ERFL: variants seen among roughly 807,000 people sequenced by gnomAD.
The protein encoded by ERFL is ETS repressor factor like.
Under a neutral mutation model 27.9 loss-of-function variants are expected in ERFL, and 8 were observed. The ratio of observed to expected loss-of-function variants is 0.29; its 90% CI spans 0.17 to 0.52. The LOEUF (loss-of-function observed/expected upper bound fraction) is 0.52, where lower values mean the gene tolerates loss of function less well. Among genes scored for constraint, ERFL ranks in the 20% least tolerant of loss-of-function variants. ERFL has a pLI of 0.97. For synonymous variants in ERFL, 174 were observed against 202.8 expected, an observed-to-expected ratio of 0.86 and a Z score of 1.21; for missense variants, 294 against 444.4, an observed-to-expected ratio of 0.66 and a Z score of 3.04.
In ERFL at chr19:41,916,997, T is replaced by C. The variant is rs1291886075; in HGVS notation, c.-13-4065A>G. ...CCTCCATCTGTGAACTTCCCAAGCA[T>C]GTCTCTGCATGGGTGTGTGTGTGTG... On this transcript the variant is annotated intron_variant, in intron 1 of 5. Coordinates refer to ENST00000597630, the MANE Select transcript of ERFL (RefSeq NM_001365103.2). This position sits in a 1 kb window ranked among gnomAD's most constrained non-coding sequence, Gnocchi z 5.4. Among the ~76,000 whole-genome samples, 2 of 144,816 alleles carry C rather than the reference T, an allele frequency of 1.4e-5. No homozygotes were observed. Among genetic ancestry groups the C allele is most frequent in the Non-Finnish European group, 2.9e-5 (2 of 67,930 alleles).
intron 1 of ERFL, among the ~76,000 whole-genome samples, chr19:41,926,704 G>T (rs1249228716): frequency 1.3e-5 from 2 of 150,672 alleles, no homozygotes; most frequent in African/African-American, 4.8e-5. Flanking sequence ...GGGCCGCGGC[G>T]GCCGGCCGGG....
Position 41,908,295 on chromosome 19 carries a change from C to T in ERFL, c.998G>A (p.Ser333Asn). 8.1e-7 allele frequency: 1 copy of T among 1,231,572 alleles called. No homozygotes were observed. Among genetic ancestry groups the T allele is most frequent in the South Asian group, 4.1e-5 (1 of 24,320 alleles). The allele number at this position is 1,231,572 out of a possible 1,614,324, so 76.3% of individuals were successfully genotyped here. A position where few individuals can be genotyped will look rare whatever the true frequency, so the allele number is the denominator to read the frequency against. ...TGCCGGGAGACCCTCATCGCCCTCG[C>T]TGTCAGAGCTGCAGCCGCTGACGTC... ...ITDVSGCSSDSEGDEGLPAPP... is the reference protein window; with the variant it reads ...ITDVSGCSSDNEGDEGLPAPP... Residue 333 changes from serine (S) to asparagine (N), a missense_variant, in exon 6 of 6, where the codon AGC becomes AAC. Ser to Asn is a conservative substitution (Grantham distance 46). Coordinates refer to ENST00000597630, the MANE Select transcript of ERFL (RefSeq NM_001365103.2). This position sits in a 1 kb window ranked among gnomAD's most constrained non-coding sequence, Gnocchi z 6.7.
At chr19:41,920,374 G>A (rs1047495613) in intron 1 of ERFL, among the ~76,000 whole-genome samples, 7 of 130,860 alleles carry the variant, frequency 5.3e-5, no homozygotes, top group Admixed American at 5.0e-4. Context: ...GACATGACAT[G>A]TTCACAGACA....
intron 1 of ERFL, among the ~76,000 whole-genome samples, chr19:41,913,447 C>T (rs908921598): frequency 1.2e-4 from 18 of 151,726 alleles, no homozygotes; most frequent in East Asian, 3.9e-4. Flanking sequence ...CCCACCCGGA[C>T]GACCCCCAGG....
chr19:41,910,932 A>C lies in ERFL; in HGVS notation c.68-835T>G, dbSNP rs1466461599. ...CCCCACAGTGCACACCCATCACAAC[A>C]CAGAATTACACATCTCAAGACTGGG... On this transcript the variant is annotated intron_variant, in intron 2 of 5. Coordinates refer to ENST00000597630, the MANE Select transcript of ERFL (RefSeq NM_001365103.2). The surrounding 1 kb of genome is among the most constrained non-coding windows in gnomAD (Gnocchi z 4.4). Among the ~76,000 whole-genome samples, 1 of 152,092 alleles carries C rather than the reference A, an allele frequency of 6.6e-6. No individual in the cohort carries two copies. The highest frequency in any genetic ancestry group is 1.5e-5 in the Non-Finnish European group (1 of 68,024).
rs1265757382 is a variant in ERFL at position 41,916,987 on chromosome 19, T to C, written c.-13-4055A>G. On this transcript the variant is annotated intron_variant, in intron 1 of 5. Transcript: ENST00000597630. This position sits in a 1 kb window ranked among gnomAD's most constrained non-coding sequence, Gnocchi z 5.4. ...TCTGCCTGTCCCTCCATCTGTGAAC[T>C]TCCCAAGCATGTCTCTGCATGGGTG... Among the ~76,000 whole-genome samples the C allele has an allele frequency of 1.3e-5, 2 of 150,884 alleles. No homozygotes were observed. The highest frequency in any genetic ancestry group is 2.9e-5 in the Non-Finnish European group (2 of 68,000).
At chr19:41,924,188 A>T (rs2074858750) in intron 1 of ERFL, among the ~76,000 whole-genome samples, 1 of 151,770 alleles carries the variant, frequency 6.6e-6, no homozygotes, top group Non-Finnish European at 1.5e-5. Context: ...GTGTCACCAA[A>T]GTCCCTAGGT....
rs1039777525 is a variant in ERFL at position 41,921,027 on chromosome 19, C to T, written c.-14+7013G>A. ...ATGTCCCTGGGGCTGCGGACAGCAGCGCTCCGAATGGTGTCAGTTGAGGGG... is the reference window on the plus strand; with the variant it reads ...ATGTCCCTGGGGCTGCGGACAGCAGTGCTCCGAATGGTGTCAGTTGAGGGG... On this transcript the variant is annotated intron_variant, in intron 1 of 5. Coordinates refer to ENST00000597630, the MANE Select transcript of ERFL (RefSeq NM_001365103.2). This position sits in a 1 kb window ranked among gnomAD's most constrained non-coding sequence, Gnocchi z 4.4. 4.6e-5 allele frequency among the ~76,000 whole-genome samples: 7 copies of T among 152,220 alleles called. No individual in the cohort carries two copies. Among genetic ancestry groups the T allele is most frequent in the Non-Finnish European group, 7.3e-5 (5 of 68,038 alleles).
At chr19:41,920,476 A>C (rs1555852371) in intron 1 of ERFL, among the ~76,000 whole-genome samples, 3 of 149,032 alleles carry the variant, frequency 2.0e-5, no homozygotes, top group Non-Finnish European at 4.5e-5. Flanking sequence ...TGATGAACTC[A>C]CAGACGTGAC....
chr19:41,919,926 G>A (rs1210443363), intron 1 of ERFL, among the ~76,000 whole-genome samples: 2 of 151,658 alleles, frequency 1.3e-5, no homozygotes, highest in East Asian at 1.9e-4. Flanking sequence ...GACATGACAC[G>A]CTCACAGACA....
chr19:41,909,247 G>A lies in ERFL; in HGVS notation c.498+29C>T, dbSNP rs112688597. The A allele has an allele frequency of 2.5e-4, 307 of 1,231,704 alleles. No individual in the cohort carries two copies. Among genetic ancestry groups the A allele is most frequent in the Admixed American group, 1.7e-4 (4 of 23,694 alleles). 76.3% of individuals were successfully genotyped at this position (1,231,704 alleles called of 1,614,324 possible). A position where few individuals can be genotyped will look rare whatever the true frequency, so the allele number is the denominator to read the frequency against. On this transcript the variant is annotated intron_variant, in intron 4 of 5. Transcript: ENST00000597630. This position sits in a 1 kb window ranked among gnomAD's most constrained non-coding sequence, Gnocchi z 5.2. ...CCCCAGAGTGGGCACCAAGTGCCTC[G>A]GTTCCAGGACCCCAGTACCCAGACT...
rs528952380 is a variant in ERFL at position 41,920,299 on chromosome 19, G to A, written c.-13-7367C>T. On this transcript the variant is annotated intron_variant, in intron 1 of 5. Transcript: ENST00000597630. ...GACATGATAACGCTCACAGACATGC[G>A]CTCACAGACATGACATGCCCAGACG... Among the ~76,000 whole-genome samples, 16 of 130,536 alleles carry A rather than the reference G, an allele frequency of 1.2e-4. No homozygotes were observed. The South Asian group carries it at 2.9e-3, about 23-fold the overall frequency. 85.6% of individuals were successfully genotyped at this position (130,536 alleles called of 152,430 possible). A position where few individuals can be genotyped will look rare whatever the true frequency, so the allele number is the denominator to read the frequency against.
rs543334666 is a variant in ERFL at position 41,917,415 on chromosome 19, G to A, written c.-13-4483C>T. On this transcript the variant is annotated intron_variant, in intron 1 of 5. Coordinates refer to ENST00000597630, the MANE Select transcript of ERFL (RefSeq NM_001365103.2). This position sits in a 1 kb window ranked among gnomAD's most constrained non-coding sequence, Gnocchi z 4.8. ...TTGATTTCTCTAAGCTGCGCCGGCCGCCTCGGGAGCCGCCTCGGGCCTCGC... is the reference window on the plus strand; with the variant it reads ...TTGATTTCTCTAAGCTGCGCCGGCCACCTCGGGAGCCGCCTCGGGCCTCGC... Among the ~76,000 whole-genome samples the A allele has an allele frequency of 3.3e-5, 5 of 151,892 alleles. No individual in the cohort carries two copies. The highest frequency in any genetic ancestry group is 7.2e-5 in the African/African-American group (3 of 41,388).
In ERFL at chr19:41,921,621, C is replaced by T. The variant is rs2074842720; in HGVS notation, c.-14+6419G>A. On this transcript the variant is annotated intron_variant, in intron 1 of 5. Coordinates refer to ENST00000597630, the MANE Select transcript of ERFL (RefSeq NM_001365103.2). This position sits in a 1 kb window ranked among gnomAD's most constrained non-coding sequence, Gnocchi z 4.4. ...GGAGGTCACGGGAGAGCGAGGGCCG[C>T]ACCGGAGACCCTGGGTTGGGAGGAA... Among the ~76,000 whole-genome samples the T allele has an allele frequency of 6.6e-6, 1 of 151,962 alleles. No individual in the cohort carries two copies. The highest frequency in any genetic ancestry group is 1.5e-5 in the Non-Finnish European group (1 of 67,992).
Position 41,916,994 on chromosome 19 carries a change from G to A in ERFL, c.-13-4062C>T, listed in dbSNP as rs1322260029. ...GTCCCTCCATCTGTGAACTTCCCAA[G>A]CATGTCTCTGCATGGGTGTGTGTGT... On this transcript the variant is annotated intron_variant, in intron 1 of 5. Transcript: ENST00000597630. The surrounding 1 kb of genome is among the most constrained non-coding windows in gnomAD (Gnocchi z 5.4). Among the ~76,000 whole-genome samples, 1 of 146,560 alleles carries A rather than the reference G, an allele frequency of 6.8e-6. No individual in the cohort carries two copies. The highest frequency in any genetic ancestry group is 1.5e-5 in the Non-Finnish European group (1 of 67,938).
chr19:41,926,699 GCGGCGGC>G lies in ERFL; in HGVS notation c.-14+1334_-14+1340del, dbSNP rs1361337302. Among the ~76,000 whole-genome samples, 722 of 152,212 alleles carry G rather than the reference GCGGCGGC, an allele frequency of 4.7e-3. 3 individuals carry two copies. Among genetic ancestry groups the G allele is most frequent in the Non-Finnish European group, 6.7e-3 (454 of 67,950 alleles). The stretch of plus-strand genomic sequence containing the variant: ...TGGCGATGCGGAGCGCGTCTGGGCC[GCGGCGGC>G]CGGCCGGGAGGGGGGAGCGGGCGGG... On this transcript the variant is annotated intron_variant, in intron 1 of 5. Transcript: ENST00000597630.
rs2074732170 is a variant in ERFL, at chr19:41,908,496, G to C, written c.797C>G (p.Ser266Ter). Residue 266 changes from serine (S) to a stop codon, truncating the protein, a stop_gained, in exon 6 of 6, where the codon TCA becomes TGA. Transcript: ENST00000597630. LOFTEE classifies it high-confidence loss of function. The surrounding 1 kb of genome is among the most constrained non-coding windows in gnomAD (Gnocchi z 6.7). ...LASSLGHLPS[S>*]GAGGGPTATP... ...GGCTGTGGGGCCTCCCCCTGCCCCT[G>C]ACGAGGGCAGGTGGCCCAGGGAACT... 8.1e-7 allele frequency: 1 copy of C among 1,231,676 alleles called. No individual in the cohort carries two copies. Among genetic ancestry groups the C allele is most frequent in the Non-Finnish European group, 1.0e-6 (1 of 987,934 alleles). The allele number at this position is 1,231,676 out of a possible 1,614,324, so 76.3% of individuals were successfully genotyped here. A position where few individuals can be genotyped will look rare whatever the true frequency, so the allele number is the denominator to read the frequency against.
At chr19:41,925,594 T>G (rs1555853186) in intron 1 of ERFL, among the ~76,000 whole-genome samples, 1 of 151,746 alleles carries the variant, frequency 6.6e-6, no homozygotes. Flanking sequence ...GGGAAAGCCA[T>G]GAGGAGGGTA....
At chr19:41,922,719 G>T (rs1219546924) in intron 1 of ERFL, among the ~76,000 whole-genome samples, 1 of 152,178 alleles carries the variant, frequency 6.6e-6, no homozygotes, top group African/African-American at 2.4e-5. Context: ...CACAAGGGCC[G>T]GGGTCCAGCC....
Sources: allele counts gnomAD v4.1 joint callset (sites outside exome capture counted in the v4.1 genomes callset), GRCh38; gene constraint gnomAD v4.1.1; non-coding constraint Gnocchi (gnomAD v3.1); transcripts MANE v1.5; gene names NCBI Gene and HGNC (gene_info 2026-07-23, HGNC 2026-07-21).